The following ENTREP2 variants were observed in gnomAD, a reference collection of about 807,000 sequenced individuals.
ENTREP2 encodes endosomal transmembrane epsin interactor 2.
the ENTREP2 span, among the ~76,000 whole-genome samples, chr15:29,457,506 G>A: frequency 2.0e-5 from 3 of 152,188 alleles, no homozygotes; most frequent in South Asian, 6.2e-4. Flanking sequence ...GGTGCCTGCT[G>A]GAAAGGGGCA....
the ENTREP2 span, among the ~76,000 whole-genome samples, chr15:29,629,373 T>A: frequency 5.3e-5 from 8 of 152,344 alleles, no homozygotes; most frequent in South Asian, 1.4e-3. Flanking sequence ...CAGTTCTTGT[T>A]CCTTTGTGTA....
chr15:29,257,320 G>A, the ENTREP2 span, among the ~76,000 whole-genome samples: 4 of 152,050 alleles, frequency 2.6e-5, no homozygotes, highest in East Asian at 1.9e-4. Context: ...TGGTCCACCC[G>A]CCTCGGCCTC....
At chr15:29,606,111 T>C in the ENTREP2 span, among the ~76,000 whole-genome samples, 1 of 152,316 alleles carries the variant, frequency 6.6e-6, no homozygotes, top group South Asian at 2.1e-4. Flanking sequence ...AAATGTGTGC[T>C]AGGTCTTTTA....
chr15:29,387,575 CA>C, the ENTREP2 span, among the ~76,000 whole-genome samples: 5 of 152,174 alleles, frequency 3.3e-5, no homozygotes, highest in African/African-American at 1.2e-4. Context: ...ATGCCATCCC[CA>C]TCAAGCTACC....
chr15:29,608,490 GCTCCTGCCTC>G, the ENTREP2 span, among the ~76,000 whole-genome samples: 32 of 150,884 alleles, frequency 2.1e-4, no homozygotes, highest in Non-Finnish European at 2.8e-4. Context: ...GGGCTCGACT[GCTCCTGCCTC>G]CTCCTGCCTC....
chr15:29,474,102 C>T, the ENTREP2 span, among the ~76,000 whole-genome samples: 6,187 of 152,222 alleles, frequency 0.041, 335 homozygotes, highest in East Asian at 0.25. Flanking sequence ...GACGGGCTTG[C>T]GACGGTTACT....
chr15:29,126,624 A>C, the ENTREP2 span: 1 of 730,200 alleles, frequency 1.4e-6, no homozygotes, highest in Non-Finnish European at 2.3e-6. Flanking sequence ...GATAAGATTG[A>C]CAAATGCTGC....
chr15:29,565,056 C>T, the ENTREP2 span, among the ~76,000 whole-genome samples: 1 of 152,154 alleles, frequency 6.6e-6, no homozygotes, highest in African/African-American at 2.4e-5. Flanking sequence ...ACTGTCAGTA[C>T]TCCCAAAATT....
the ENTREP2 span, among the ~76,000 whole-genome samples, chr15:29,206,961 C>G: frequency 6.6e-6 from 1 of 152,158 alleles, no homozygotes; most frequent in East Asian, 1.9e-4. Flanking sequence ...ACTACCTTCA[C>G]CACTGTCTCC....
the ENTREP2 span, among the ~76,000 whole-genome samples, chr15:29,215,537 C>A: frequency 6.6e-6 from 1 of 150,488 alleles, no homozygotes. Flanking sequence ...ATTGTGAGAC[C>A]TTGTAATAAT....
chr15:29,655,620 T>G, the ENTREP2 span, among the ~76,000 whole-genome samples: 13 of 152,134 alleles, frequency 8.5e-5, no homozygotes, highest in Non-Finnish European at 1.9e-4. Flanking sequence ...TATTAATATG[T>G]GAAAGGCTTG....
At chr15:29,192,264 C>G in the ENTREP2 span, among the ~76,000 whole-genome samples, 1 of 151,942 alleles carries the variant, frequency 6.6e-6, no homozygotes, top group Non-Finnish European at 1.5e-5. Context: ...CAGATTTTTC[C>G]CTATACAGAT....
At chr15:29,195,889 C>T in the ENTREP2 span, among the ~76,000 whole-genome samples, 2 of 152,152 alleles carry the variant, frequency 1.3e-5, no homozygotes, top group Admixed American at 1.3e-4. Flanking sequence ...GAATTGGGTT[C>T]ACTCTTCTTA....
the ENTREP2 span, among the ~76,000 whole-genome samples, chr15:29,559,292 C>T: frequency 7.3e-3 from 1,106 of 152,172 alleles, 10 homozygotes; most frequent in African/African-American, 0.025. Flanking sequence ...GTGGAAGCCA[C>T]GCCTGTTCCC....
chr15:29,459,278 A>T, the ENTREP2 span, among the ~76,000 whole-genome samples: 1 of 152,228 alleles, frequency 6.6e-6, no homozygotes. Context: ...GATGGGGTGC[A>T]AGGACAGTCA....
At chr15:29,200,941 G>C in the ENTREP2 span, among the ~76,000 whole-genome samples, 3,451 of 152,228 alleles carry the variant, frequency 0.023, 114 homozygotes, top group African/African-American at 0.079. Context: ...TTTCCTCATT[G>C]TTAACGCAGT....
the ENTREP2 span, among the ~76,000 whole-genome samples, chr15:29,473,945 G>A: frequency 1.3e-5 from 2 of 152,116 alleles, no homozygotes; most frequent in Admixed American, 6.5e-5. Context: ...ACGGCAGTCC[G>A]GACTCCCACA....
At chr15:29,155,644 C>T in the ENTREP2 span, among the ~76,000 whole-genome samples, 1 of 152,178 alleles carries the variant, frequency 6.6e-6, no homozygotes, top group African/African-American at 2.4e-5. Flanking sequence ...CAGCCCTCTA[C>T]GCCCACCCCA....
chr15:29,188,374 C>T, the ENTREP2 span, among the ~76,000 whole-genome samples: 1 of 152,114 alleles, frequency 6.6e-6, no homozygotes, highest in Non-Finnish European at 1.5e-5. Context: ...TTAAGCCCTG[C>T]ATGCATTAGG....
Sources: gnomAD v4.1 joint callset for allele counts (sites outside exome capture counted in the v4.1 genomes callset) on GRCh38, gnomAD v4.1.1 for gene constraint, MANE v1.5 for transcripts, NCBI Gene and HGNC (gene_info 2026-07-23, HGNC 2026-07-21) for gene names.